The following ZNF248 variants were observed in gnomAD, a reference collection of about 807,000 sequenced individuals.
The protein encoded by ZNF248 is zinc finger protein 248.
In ZNF248, 20 loss-of-function variants were observed where a neutral mutation model predicts 44.3. That is an observed-to-expected ratio of 0.45 (90% CI 0.32 to 0.66). The LOEUF (loss-of-function observed/expected upper bound fraction) is 0.66. ZNF248 is among the 30% of genes least tolerant of loss of function. The probability of loss-of-function intolerance (pLI) is 0.04; values close to 1 mark genes in which losing one functional copy is unlikely to be tolerated. For missense variants in ZNF248, 654 were observed against 677.0 expected (o/e 0.97, Z 0.38); for synonymous variants, 224 against 229.0 (o/e 0.98, Z 0.20).
intron 6 of ZNF248, among the ~76,000 whole-genome samples, chr10:37,821,355 T>G (rs1440473177): frequency 6.6e-6 from 1 of 152,212 alleles, no homozygotes; most frequent in East Asian, 1.9e-4. Context: ...GTAGTTAAAT[T>G]ACCTGTCCAG....
chr10:37,816,722 G>A (rs569623624), intron 6 of ZNF248, among the ~76,000 whole-genome samples: 2 of 152,296 alleles, frequency 1.3e-5, no homozygotes, highest in African/African-American at 4.8e-5. Context: ...CAGTTCATTA[G>A]CAGAGTTTTT....
chr10:37,797,332 C>G (rs936350787), intron 6 of ZNF248, among the ~76,000 whole-genome samples: 22 of 150,958 alleles, frequency 1.5e-4, no homozygotes, highest in Non-Finnish European at 1.3e-4. Context: ...AATGAAAGAG[C>G]TAATACTTTA....
At chr10:37,775,665 A>G (rs2046529312), downstream of ZNF248, 1 of 152,244 alleles carries the variant, frequency 6.6e-6, no homozygotes, top group South Asian at 2.1e-4. Flanking sequence ...TTCTTTCAGA[A>G]CTAATCCGGG....
intron 5 of ZNF248, among the ~76,000 whole-genome samples, chr10:37,836,212 T>C (rs2057130808): frequency 6.6e-6 from 1 of 152,130 alleles, no homozygotes; most frequent in African/African-American, 2.4e-5. Flanking sequence ...AAGCACATAA[T>C]GGTACCCTAT....
At chr10:37,776,480 G>A (rs898415279), downstream of ZNF248, 6 of 397,840 alleles carry the variant, frequency 1.5e-5, no homozygotes, top group Non-Finnish European at 2.2e-5. Context: ...CAACGTTCAG[G>A]TTAGAGAAGC....
In ZNF248 at chr10:37,829,827, T is replaced by C; in HGVS notation, c.*1788A>G. On this transcript the variant is annotated 3_prime_UTR_variant, in exon 6 of 6. Coordinates refer to ENST00000395867, the MANE Select transcript of ZNF248 (RefSeq NM_021045.3). The stretch of plus-strand genomic sequence containing the variant: ...TACACAATACTTCCCAAACATCTCA[T>C]TGCTCCCAAGTTCACCCCAACAGAA... The C allele has an allele frequency of 2.0e-6, 2 of 985,426 alleles. No individual in the cohort carries two copies. Among genetic ancestry groups the C allele is most frequent in the Non-Finnish European group, 2.4e-6 (2 of 829,922 alleles). The allele number at this position is 985,426 out of a possible 1,614,324, so 61.0% of individuals were successfully genotyped here.
the ZNF248 span, among the ~76,000 whole-genome samples, chr10:37,760,131 T>C: frequency 1.2e-3 from 177 of 152,314 alleles, 1 homozygote; most frequent in African/African-American, 4.2e-3. Flanking sequence ...TGCAAAACTT[T>C]TGTATGGGGT....
intron 6 of ZNF248, among the ~76,000 whole-genome samples, chr10:37,812,186 A>C (rs2051622026): frequency 6.6e-6 from 1 of 151,928 alleles, no homozygotes; most frequent in Admixed American, 6.6e-5. Flanking sequence ...GCAGTGAGCC[A>C]TGACCGCTCC....
At chr10:37,820,362 G>C in intron 6 of ZNF248, 4 of 1,429,866 alleles carry the variant, frequency 2.8e-6, no homozygotes, top group Non-Finnish European at 3.9e-6. Flanking sequence ...CAGCTGCTCT[G>C]GGTCAAGCCG....
chr10:37,760,930 A>G, the ZNF248 span, among the ~76,000 whole-genome samples: 1 of 152,204 alleles, frequency 6.6e-6, no homozygotes, highest in African/African-American at 2.4e-5. Context: ...GAAACATAAA[A>G]TGTCAGGATA....
intron 6 of ZNF248, among the ~76,000 whole-genome samples, chr10:37,796,747 G>C (rs1234645115): frequency 6.7e-6 from 1 of 148,980 alleles, no homozygotes. Flanking sequence ...TGTTTAATTC[G>C]ATTTTACATC....
upstream of ZNF248, chr10:37,857,859 C>T (rs1029960751): frequency 6.6e-6 from 1 of 152,436 alleles, no homozygotes; most frequent in Non-Finnish European, 1.5e-5. Flanking sequence ...CGCCAGACCT[C>T]ATCCCCTTCT....
downstream of ZNF248, among the ~76,000 whole-genome samples, chr10:37,773,674 C>G (rs1238588489): frequency 6.6e-6 from 1 of 152,126 alleles, no homozygotes; most frequent in Non-Finnish European, 1.5e-5. Context: ...CTCTTACTGT[C>G]TCTTCACAAG....
At chr10:37,777,809 A>G (rs17591524) in intron 6 of ZNF248, among the ~76,000 whole-genome samples, 9,094 of 151,162 alleles carry the variant, frequency 0.06, 350 homozygotes, top group Middle Eastern at 0.095. Context: ...TCTTGCGATA[A>G]TTTACTGAGA....
At chr10:37,853,874 T>C (rs2060782581) in intron 3 of ZNF248, among the ~76,000 whole-genome samples, 1 of 151,958 alleles carries the variant, frequency 6.6e-6, no homozygotes, top group African/African-American at 2.4e-5. Context: ...CAAATAACTG[T>C]AGATGAAGCA....
intron 6 of ZNF248, among the ~76,000 whole-genome samples, chr10:37,787,961 T>C (rs1208778): frequency 0.06 from 9,124 of 152,206 alleles, 353 homozygotes; most frequent in Middle Eastern, 0.095. Context: ...AGTCTCATAA[T>C]TTGAATATAT....
intron 6 of ZNF248, chr10:37,820,526 A>G: frequency 4.4e-6 from 7 of 1,601,750 alleles, no homozygotes; most frequent in East Asian, 4.5e-5. Context: ...GGATCGTGCA[A>G]CTGGTGCAAC....
intron 3 of ZNF248, among the ~76,000 whole-genome samples, chr10:37,850,860 C>CA (rs953979447): frequency 2.4e-4 from 36 of 149,142 alleles, no homozygotes; most frequent in South Asian, 1.3e-3. Context: ...AATTTTTAGA[C>CA]AAAAAAAAAG....
chr10:37,778,223 C>T (rs1408810464), intron 6 of ZNF248, among the ~76,000 whole-genome samples: 1 of 151,130 alleles, frequency 6.6e-6, no homozygotes, highest in Non-Finnish European at 1.5e-5. Flanking sequence ...TTAATGATCG[C>T]CATTCTAACT....
Sources: gnomAD v4.1 joint callset for allele counts (sites outside exome capture counted in the v4.1 genomes callset) on GRCh38, gnomAD v4.1.1 for gene constraint, MANE v1.5 for transcripts, NCBI Gene and HGNC (gene_info 2026-07-23, HGNC 2026-07-21) for gene names.